Variants in IPCEF1 observed in about 807,000 individuals in gnomAD.
IPCEF1 encodes the protein interactor protein for cytohesin exchange factors 1.
In IPCEF1, 31 loss-of-function variants were observed where a neutral mutation model predicts 50.9. That is an observed-to-expected ratio of 0.61 (90% CI 0.46 to 0.82). IPCEF1 has a LOEUF of 0.82. Among genes scored for constraint, IPCEF1 ranks in the 40% least tolerant of loss-of-function variants. The probability of loss-of-function intolerance (pLI) is 0.00; values close to 1 mark genes in which losing one functional copy is unlikely to be tolerated. For synonymous variants in IPCEF1, 181 were observed against 192.0 expected, an observed-to-expected ratio of 0.94 and a Z score of 0.47; for missense variants, 458 against 514.0, an observed-to-expected ratio of 0.89 and a Z score of 1.05.
At chr6:154,174,426 A>G (rs1402584173) in intron 10 of IPCEF1, among the ~76,000 whole-genome samples, 1 of 152,176 alleles carries the variant, frequency 6.6e-6, no homozygotes, top group African/African-American at 2.4e-5. Flanking sequence ...CAGGAGACCC[A>G]TCTCACGTGC....
At chr6:154,308,423 G>A (rs1782993588) in intron 1 of IPCEF1, among the ~76,000 whole-genome samples, 1 of 151,996 alleles carries the variant, frequency 6.6e-6, no homozygotes, top group Admixed American at 6.6e-5. Flanking sequence ...CACCACACCT[G>A]GCCCTTTCTG....
At chr6:154,180,414 A>ATATATATATATATATTTTTT (rs1241250621) in intron 10 of IPCEF1, among the ~76,000 whole-genome samples, 1 of 65,268 alleles carries the variant, frequency 1.5e-5, no homozygotes, top group African/African-American at 4.8e-5. Context: ...ATATATATAT[A>ATATATATATATATATTTTTT]TTTTTTTTTT....
intron 3 of IPCEF1, among the ~76,000 whole-genome samples, chr6:154,260,446 C>T (rs187382612): frequency 2.6e-5 from 4 of 151,164 alleles, no homozygotes; most frequent in East Asian, 2.0e-4. Flanking sequence ...AGTTGAACAG[C>T]GTTACTAAAA....
At chr6:154,333,767 A>G (rs1345378486) in intron 1 of IPCEF1, among the ~76,000 whole-genome samples, 2 of 147,238 alleles carry the variant, frequency 1.4e-5, no homozygotes, top group Non-Finnish European at 2.9e-5. Context: ...ATATGTGTAT[A>G]TATGTATGTG....
intron 3 of IPCEF1, among the ~76,000 whole-genome samples, chr6:154,260,002 A>G (rs1243202368): frequency 6.6e-6 from 1 of 152,196 alleles, no homozygotes; most frequent in Non-Finnish European, 1.5e-5. Context: ...AGTTCACACG[A>G]CGAGCACGGA....
intron 1 of IPCEF1, among the ~76,000 whole-genome samples, chr6:154,333,146 C>G (rs926455145): frequency 6.6e-6 from 1 of 152,094 alleles, no homozygotes; most frequent in African/African-American, 2.4e-5. Flanking sequence ...TTCAAACAAG[C>G]CAATTCATTT....
intron 2 of IPCEF1, among the ~76,000 whole-genome samples, chr6:154,287,239 A>T (rs1044432580): frequency 3.3e-5 from 5 of 150,282 alleles, no homozygotes; most frequent in African/African-American, 1.2e-4. Context: ...TTCCACCATG[A>T]CTGTAAGTTT....
intron 5 of IPCEF1, among the ~76,000 whole-genome samples, chr6:154,224,566 C>T (rs926696007): frequency 2.6e-5 from 4 of 152,036 alleles, no homozygotes; most frequent in African/African-American, 9.7e-5. Context: ...AAAATATTAG[C>T]TGGTCATGGT....
At chr6:154,169,188 C>T (rs184763294) in intron 10 of IPCEF1, among the ~76,000 whole-genome samples, 4 of 152,196 alleles carry the variant, frequency 2.6e-5, no homozygotes, top group East Asian at 1.9e-4. Flanking sequence ...TGGTAAAACC[C>T]GTTGTCTACT....
chr6:154,175,810 A>T lies in IPCEF1; in HGVS notation c.911-7697T>A, dbSNP rs528737775. 8.1e-4 allele frequency among the ~76,000 whole-genome samples: 123 copies of T among 152,236 alleles called. 4 individuals are homozygous for T. In the South Asian group the frequency reaches 0.024, roughly 30 times the overall value. ...CAATAGAAAAACAGGGAATCCTCCC[A>T]AACTCATTTTATGAGGCCAGCATCA... On this transcript the variant is annotated intron_variant, in intron 10 of 11. Transcript: ENST00000367220.
At chr6:154,173,853 C>A (rs546787385) in intron 10 of IPCEF1, among the ~76,000 whole-genome samples, 1 of 152,124 alleles carries the variant, frequency 6.6e-6, no homozygotes, top group African/African-American at 2.4e-5. Context: ...GAAGAGCAAC[C>A]CCAAGACACA....
chr6:154,273,410 G>A (rs1781947495), intron 2 of IPCEF1, among the ~76,000 whole-genome samples: 1 of 152,168 alleles, frequency 6.6e-6, no homozygotes, highest in Admixed American at 6.6e-5. Context: ...AAGCGAGCAT[G>A]TTCTGTTACA....
At chr6:154,336,947 A>G (rs1783800866) in intron 1 of IPCEF1, among the ~76,000 whole-genome samples, 1 of 152,160 alleles carries the variant, frequency 6.6e-6, no homozygotes, top group Non-Finnish European at 1.5e-5. Flanking sequence ...TAGAGTGACT[A>G]TAGTTAATAA....
chr6:154,233,931 G>A (rs1356151124), intron 5 of IPCEF1, among the ~76,000 whole-genome samples: 1 of 152,158 alleles, frequency 6.6e-6, no homozygotes, highest in Non-Finnish European at 1.5e-5. Flanking sequence ...CAGCTAGGCC[G>A]GACGCCGTGG....
chr6:154,274,611 C>T (rs1218834542), intron 2 of IPCEF1, among the ~76,000 whole-genome samples: 1 of 152,206 alleles, frequency 6.6e-6, no homozygotes. Flanking sequence ...CTTGGAGGTA[C>T]AAAGCTCCCC....
intron 1 of IPCEF1, among the ~76,000 whole-genome samples, chr6:154,351,474 C>A (rs537790540): frequency 2.6e-5 from 4 of 152,208 alleles, no homozygotes; most frequent in African/African-American, 9.7e-5. Context: ...GAAAAAAGAA[C>A]AACTCCTTTC....
At chr6:154,248,017 A>G (rs1008769506) in intron 3 of IPCEF1, among the ~76,000 whole-genome samples, 7 of 152,178 alleles carry the variant, frequency 4.6e-5, no homozygotes, top group Admixed American at 6.5e-5. Flanking sequence ...CAGAAAATGA[A>G]ATTCCACAAC....
At chr6:154,311,008 T>C (rs912444376) in intron 1 of IPCEF1, among the ~76,000 whole-genome samples, 1 of 150,294 alleles carries the variant, frequency 6.7e-6, no homozygotes, top group Admixed American at 6.6e-5. Context: ...AATTTATTTT[T>C]AAAGTCCTCA....
At chr6:154,343,703 T>C (rs1783965792) in intron 1 of IPCEF1, among the ~76,000 whole-genome samples, 1 of 152,218 alleles carries the variant, frequency 6.6e-6, no homozygotes, top group South Asian at 2.1e-4. Context: ...TGTTGAGAAA[T>C]TATTTTAGGC....
Sources: allele counts gnomAD v4.1 joint callset (sites outside exome capture counted in the v4.1 genomes callset), GRCh38; gene constraint gnomAD v4.1.1; transcripts MANE v1.5; gene names NCBI Gene and HGNC (gene_info 2026-07-23, HGNC 2026-07-21).